The following CCDC61 variants were observed in gnomAD, a reference collection of about 807,000 sequenced individuals.
CCDC61 encodes coiled-coil domain containing 61.
Under a neutral mutation model 63.0 loss-of-function variants are expected in CCDC61, and 55 were observed. The observed-to-expected ratio is 0.87, with a 90% CI of 0.70 to 1.09. CCDC61 has a LOEUF of 1.09. Among genes scored for constraint, CCDC61 ranks in the 50% least tolerant of loss-of-function variants. The pLI, the probability that CCDC61 is intolerant of heterozygous loss-of-function variation, is 0.00. For missense variants in CCDC61, 651 were observed against 731.4 expected (o/e 0.89, Z 1.27); for synonymous variants, 270 against 317.0 (o/e 0.85, Z 1.58).
intron 3 of CCDC61, 102 bp from the exon 4 acceptor site, chr19:46,006,457 C>A (rs1202226358): frequency 8.4e-7 from 1 of 1,194,386 alleles, no homozygotes; most frequent in East Asian, 2.7e-5. Context: ...AAAGCCTAGC[C>A]CGCCTAGAGA....
At position 46,002,940 on chromosome 19, in the gene CCDC61, C is replaced by G. The variant is rs1968618149; in HGVS notation, c.-11-68C>G. 4.7e-6 allele frequency: 7 copies of G among 1,479,176 alleles called. No homozygotes were observed. The South Asian group carries it at 7.3e-5, about 15-fold the overall frequency. The allele number at this position is 1,479,176 out of a possible 1,614,324, so 91.6% of individuals were successfully genotyped here. A position where few individuals can be genotyped will look rare whatever the true frequency, so the allele number is the denominator to read the frequency against. The stretch of plus-strand genomic sequence containing the variant: ...TAAATGATGGAGCCAGGATATGAGG[C>G]CTGGCCTTCCAACTCATGAGCCTGG... On this transcript the variant is annotated intron_variant, in intron 1 of 13. Transcript: ENST00000595358.
intron 3 of CCDC61, among the ~76,000 whole-genome samples, chr19:46,003,969 C>T (rs1041150456): frequency 2.0e-5 from 3 of 151,778 alleles, no homozygotes; most frequent in African/African-American, 4.8e-5. Context: ...GATGGAGTCT[C>T]GCTCTGTCGC....
At chr19:45,998,858 C>G (rs187344466) in intron 1 of CCDC61, among the ~76,000 whole-genome samples, 1 of 152,098 alleles carries the variant, frequency 6.6e-6, no homozygotes, top group African/African-American at 2.4e-5. Context: ...AAGGACACAC[C>G]AAGGAGAAAG....
rs777447389 is a variant in CCDC61 at position 46,016,314 on chromosome 19, C to G, written c.1016-4C>G. On this transcript the variant is annotated splice_polypyrimidine_tract_variant and splice_region_variant and intron_variant, in intron 8 of 13. Coordinates refer to ENST00000595358, the MANE Select transcript of CCDC61 (RefSeq NM_001267723.2). The surrounding 1 kb of genome is among the most constrained non-coding windows in gnomAD (Gnocchi z 7.2). ...TAGCCGCCTCCTCTCCCACGCCGTC[C>G]TAGGTGGTCGCGCGCTCCGCTTCGA... 6.2e-7 allele frequency: 1 copy of G among 1,613,624 alleles called. No individual in the cohort carries two copies. The highest frequency in any genetic ancestry group is 2.2e-5 in the East Asian group (1 of 44,876).
At chr19:46,012,210 G>A (rs759971227) in intron 5 of CCDC61, among the ~76,000 whole-genome samples, 6 of 152,178 alleles carry the variant, frequency 3.9e-5, no homozygotes, top group Non-Finnish European at 7.4e-5. Flanking sequence ...GATGGGACCC[G>A]TCCCTCCTGC....
rs1414872099 is a variant in CCDC61 at position 46,015,321 on chromosome 19, C to T, written c.763-24C>T. Reference sequence around the variant, plus strand: ...GGACCTCGGCCTCAGCCTGGACCTCCGCGCCCCTCTCCCCTCCCGGCAGCT... The same window carrying T: ...GGACCTCGGCCTCAGCCTGGACCTCTGCGCCCCTCTCCCCTCCCGGCAGCT... On this transcript the variant is annotated intron_variant, in intron 6 of 13. Coordinates refer to ENST00000595358, the MANE Select transcript of CCDC61 (RefSeq NM_001267723.2). The surrounding 1 kb of genome is among the most constrained non-coding windows in gnomAD (Gnocchi z 5.3). 1.9e-6 allele frequency: 3 copies of T among 1,590,988 alleles called. No homozygotes were observed. In the African/African-American group the frequency reaches 4.0e-5, roughly 21 times the overall value.
chr19:45,999,820 A>G (rs1454173547), intron 1 of CCDC61, among the ~76,000 whole-genome samples: 1 of 151,942 alleles, frequency 6.6e-6, no homozygotes, highest in African/African-American at 2.4e-5. Context: ...AGGCCCGAGA[A>G]GTGGGTCAGG....
rs773571825 is a variant in CCDC61, at chr19:46,016,149, G to T, written c.941G>T (p.Arg314Leu). ...GCGTCGCGAGGCCGCGGCGCCGCGCGCTCCTCATCCCGGGAGAGCGGCCGC... is the reference window on the plus strand; with the variant it reads ...GCGTCGCGAGGCCGCGGCGCCGCGCTCTCCTCATCCCGGGAGAGCGGCCGC... The part of the protein sequence containing the change: ...RSASRGRGAA[R>L]SSSRESGRGS... The change falls in exon 8 of 14, where the codon CGC (arginine) becomes CTC (leucine). Residue 314 changes from arginine (R) to leucine (L), a missense_variant. Arg to Leu is a moderately radical substitution (Grantham distance 102). Coordinates refer to ENST00000595358, the MANE Select transcript of CCDC61 (RefSeq NM_001267723.2). The surrounding 1 kb of genome is among the most constrained non-coding windows in gnomAD (Gnocchi z 7.2). 32 of 1,248,274 alleles carry T rather than the reference G, an allele frequency of 2.6e-5. No individual in the cohort carries two copies. Among genetic ancestry groups the T allele is most frequent in the Non-Finnish European group, 3.1e-5 (31 of 998,556 alleles). The allele number at this position is 1,248,274 out of a possible 1,614,324, so 77.3% of individuals were successfully genotyped here.
At chr19:46,003,206 CT>C in intron 2 of CCDC61, 40 bp downstream of exon 2, 2 of 1,567,476 alleles carry the variant, frequency 1.3e-6, no homozygotes, top group Non-Finnish European at 1.7e-6. Flanking sequence ...CTTTCCTCTC[CT>C]GGGATCAGCT....
intron 1 of CCDC61, among the ~76,000 whole-genome samples, chr19:45,997,213 T>C (rs1321970704): frequency 6.6e-6 from 1 of 152,150 alleles, no homozygotes; most frequent in East Asian, 1.9e-4. Flanking sequence ...TCCTTCTGGA[T>C]CAGGTCTTTT....
At chr19:46,017,434 C>G (rs976299477) in intron 12 of CCDC61, 130 bp downstream of exon 12, 35 of 833,328 alleles carry the variant, frequency 4.2e-5, no homozygotes, top group Admixed American at 1.4e-4. Flanking sequence ...GAGTGCGTCT[C>G]GCTCTTTCAG....
rs971207167 is a variant in CCDC61 at position 46,003,063 on chromosome 19, T to C, written c.45T>C (p.Gly15=). 2.5e-6 allele frequency: 4 copies of C among 1,599,048 alleles called. No homozygotes were observed. In the African/African-American group the frequency reaches 5.4e-5, roughly 21 times the overall value. Residue 15 remains glycine (G), a synonymous_variant, in exon 2 of 14, where the codon GGT becomes GGC. Transcript: ENST00000595358. The stretch of plus-strand genomic sequence containing the variant: ...TGCAGGTGGACTACGTCTTCCGGGG[T>C]GTGGAGCATGCCGTGCGGGTGATGG... ...AGLQVDYVFR[G]VEHAVRVMVS...
Position 46,008,207 on chromosome 19 carries a change from C to CCA in CCDC61, c.457_458insCA (p.Arg153ProfsTer4). The CCA allele has an allele frequency of 6.2e-7, 1 of 1,611,524 alleles. No homozygotes were observed. The highest frequency in any genetic ancestry group is 8.5e-7 in the Non-Finnish European group (1 of 1,178,656). On this transcript the variant is annotated frameshift_variant, in exon 5 of 14. Transcript: ENST00000595358. LOFTEE classifies it high-confidence loss of function. The stretch of plus-strand genomic sequence containing the variant: ...CCCCGTGGTTCTGCAGGGCATCATC[C>CCA]GGTCACTGAAGGAGGAACTGGGCCG...
intron 5 of CCDC61, among the ~76,000 whole-genome samples, chr19:46,009,994 T>C (rs988247884): frequency 2.6e-5 from 4 of 152,214 alleles, no homozygotes; most frequent in African/African-American, 2.4e-5. Flanking sequence ...TGGCTTCTTA[T>C]CTTCCTCTTC....
chr19:46,008,088 C>T (rs2287304), intron 4 of CCDC61, 52 bp from the exon 5 acceptor site: 182,958 of 1,527,280 alleles, frequency 0.12, 11,605 homozygotes, highest in South Asian at 0.19. Context: ...TGTTTACCCT[C>T]AGGTGCATTC....
intron 4 of CCDC61, among the ~76,000 whole-genome samples, chr19:46,007,480 A>T (rs1382829316): frequency 6.7e-6 from 1 of 149,650 alleles, no homozygotes; most frequent in Non-Finnish European, 1.5e-5. Flanking sequence ...TGCTGTTTTT[A>T]TCAGGAAAAA....
chr19:46,018,133 G>T lies in CCDC61; in HGVS notation c.1424G>T (p.Gly475Val), dbSNP rs1322941000. 1.2e-6 allele frequency: 2 copies of T among 1,608,266 alleles called. No homozygotes were observed. The highest frequency in any genetic ancestry group is 8.5e-7 in the Non-Finnish European group (1 of 1,177,674). The change falls in exon 13 of 14, where the codon GGC (glycine) becomes GTC (valine). Residue 475 changes from glycine to valine, a missense_variant. By Grantham distance (109) the Gly-to-Val change is moderately radical (BLOSUM62 -3). Coordinates refer to ENST00000595358, the MANE Select transcript of CCDC61 (RefSeq NM_001267723.2). The surrounding 1 kb of genome is among the most constrained non-coding windows in gnomAD (Gnocchi z 4.2). ...CAGAAATCTCTGGCCAACTCCGGGG[G>T]CTGGGTCCCCATCAAAGGTGAGCCT... ...HHQKSLANSG[G>V]WVPIKEYSSE...
At chr19:46,007,527 G>A (rs945338956) in intron 4 of CCDC61, among the ~76,000 whole-genome samples, 3 of 152,150 alleles carry the variant, frequency 2.0e-5, no homozygotes, top group African/African-American at 7.2e-5. Context: ...CAGATTTCCT[G>A]TAATATGTGG....
At chr19:46,008,995 GTA>G (rs1568692435) in intron 5 of CCDC61, among the ~76,000 whole-genome samples, 2 of 152,154 alleles carry the variant, frequency 1.3e-5, no homozygotes, top group African/African-American at 4.8e-5. Flanking sequence ...TGCCACTCAC[GTA>G]GTGCCCAGCC....
Sources: allele counts gnomAD v4.1 joint callset (sites outside exome capture counted in the v4.1 genomes callset), GRCh38; gene constraint gnomAD v4.1.1; non-coding constraint Gnocchi (gnomAD v3.1); transcripts MANE v1.5; gene names NCBI Gene and HGNC (gene_info 2026-07-23, HGNC 2026-07-21).